The following MAPK10 variants were observed in gnomAD, a reference collection of about 807,000 sequenced individuals.
The protein encoded by MAPK10 is JNK3 alpha protein kinase.
Under a neutral mutation model 59.3 loss-of-function variants are expected in MAPK10, and 25 were observed. The ratio of observed to expected loss-of-function variants is 0.42; its 90% CI spans 0.31 to 0.59. The LOEUF is 0.59. MAPK10 is among the 20% of genes least tolerant of loss of function. The pLI is 0.15. For missense variants in MAPK10, 351 were observed against 568.9 expected, an observed-to-expected ratio of 0.62 and a Z score of 3.90; for synonymous variants, 190 against 200.5, an observed-to-expected ratio of 0.95 and a Z score of 0.44.
At chr4:86,334,066 T>C (rs1413748503) in intron 2 of MAPK10, among the ~76,000 whole-genome samples, 2 of 152,152 alleles carry the variant, frequency 1.3e-5, no homozygotes, top group African/African-American at 4.8e-5. Context: ...TAAACATATG[T>C]ATGCAACTGC....
chr4:86,183,791 T>C (rs1280074288), intron 3 of MAPK10, among the ~76,000 whole-genome samples: 2 of 152,172 alleles, frequency 1.3e-5, no homozygotes, highest in Non-Finnish European at 2.9e-5. Context: ...CCACATCCTC[T>C]CCAGCACCTG....
intron 1 of MAPK10, among the ~76,000 whole-genome samples, chr4:86,471,136 G>A (rs1752621405): frequency 6.6e-6 from 1 of 151,924 alleles, no homozygotes; most frequent in Non-Finnish European, 1.5e-5. Context: ...GGGTGTGGTG[G>A]CACGTGCCTG....
chr4:86,241,610 G>C (rs1410534022), intron 2 of MAPK10, among the ~76,000 whole-genome samples: 1 of 151,952 alleles, frequency 6.6e-6, no homozygotes, highest in African/African-American at 2.4e-5. Flanking sequence ...TCTTCCACTT[G>C]GTTGATTCAG....
chr4:86,449,099 C>T (rs1007592921), intron 1 of MAPK10, among the ~76,000 whole-genome samples: 3 of 152,056 alleles, frequency 2.0e-5, no homozygotes, highest in South Asian at 2.1e-4. Flanking sequence ...ACCACCCCCA[C>T]CTCACGACCC....
At chr4:86,033,988 C>G (rs1338330756) in intron 11 of MAPK10, among the ~76,000 whole-genome samples, 1 of 152,080 alleles carries the variant, frequency 6.6e-6, no homozygotes, top group African/African-American at 2.4e-5. Context: ...TATTTGAGCA[C>G]TCGCTTGTGC....
chr4:86,073,063 A>C (rs2048380354), intron 9 of MAPK10, among the ~76,000 whole-genome samples: 1 of 94,060 alleles, frequency 1.1e-5, no homozygotes, highest in Non-Finnish European at 2.2e-5. Context: ...TATTGCCACA[A>C]TTTCAGCTCC....
chr4:86,466,828 G>A (rs760226875), intron 1 of MAPK10, among the ~76,000 whole-genome samples: 7 of 152,144 alleles, frequency 4.6e-5, no homozygotes, highest in Admixed American at 3.9e-4. Flanking sequence ...GCTAACCTGC[G>A]GGAGATTATA....
intron 10 of MAPK10, chr4:86,064,758 A>C (rs527593327): frequency 1.6e-4 from 29 of 176,524 alleles, no homozygotes; most frequent in Middle Eastern, 2.6e-3. Context: ...GATGTTCAAC[A>C]AATGTGTGGA....
intron 1 of MAPK10, among the ~76,000 whole-genome samples, chr4:86,524,431 A>G (rs1579476690): frequency 6.6e-6 from 1 of 152,198 alleles, no homozygotes; most frequent in East Asian, 1.9e-4. Flanking sequence ...CAAGTCCTGT[A>G]CATTCTACCT....
At chr4:86,171,915 A>T (rs2074298121) in intron 3 of MAPK10, among the ~76,000 whole-genome samples, 1 of 151,202 alleles carries the variant, frequency 6.6e-6, no homozygotes, top group Admixed American at 6.5e-5. Flanking sequence ...TGGGCGAAGG[A>T]TATGAACAGA....
At chr4:86,300,561 C>T (rs2095450136) in intron 2 of MAPK10, 1 of 151,974 alleles carries the variant, frequency 6.6e-6, no homozygotes, top group South Asian at 2.1e-4. Context: ...TACACAAATA[C>T]CCAACTTAAA....
intron 1 of MAPK10, chr4:86,358,419 T>C: frequency 8.2e-6 from 8 of 971,836 alleles, no homozygotes; most frequent in Non-Finnish European, 9.8e-6. Context: ...CCATATGACT[T>C]AGCCTGCTTC....
chr4:86,473,940 A>G (rs906405483), intron 1 of MAPK10, among the ~76,000 whole-genome samples: 1 of 152,204 alleles, frequency 6.6e-6, no homozygotes, highest in Non-Finnish European at 1.5e-5. Flanking sequence ...GCTTAAGGCC[A>G]GGAGTTCAAG....
chr4:86,586,378 T>G (rs1037896778), intron 1 of MAPK10, among the ~76,000 whole-genome samples: 1 of 152,130 alleles, frequency 6.6e-6, no homozygotes, highest in African/African-American at 2.4e-5. Context: ...TCATACCACA[T>G]ACCTCTCCCC....
chr4:86,287,474 A>T lies in MAPK10; in HGVS notation c.-7+67056T>A, dbSNP rs148362939. 5.4e-4 allele frequency among the ~76,000 whole-genome samples: 82 copies of T among 152,318 alleles called. 1 individual carries two copies. Among genetic ancestry groups the T allele is most frequent in the African/African-American group, 1.9e-3 (79 of 41,578 alleles). ...TGGTGATCTTAAGAATATTCATCACAAGATAGGAAAACACAGCTGCCATCG... is the reference window on the plus strand; with the variant it reads ...TGGTGATCTTAAGAATATTCATCACTAGATAGGAAAACACAGCTGCCATCG... On this transcript the variant is annotated intron_variant, in intron 2 of 13. Transcript: ENST00000641462.
intron 4 of MAPK10, among the ~76,000 whole-genome samples, chr4:86,113,712 G>A (rs1453474937): frequency 1.3e-5 from 2 of 152,114 alleles, no homozygotes; most frequent in Non-Finnish European, 2.9e-5. Flanking sequence ...TTCTCATAGA[G>A]TATCTCACCG....
intron 2 of MAPK10, among the ~76,000 whole-genome samples, chr4:86,218,338 G>A (rs575998990): frequency 3.0e-4 from 46 of 152,002 alleles, no homozygotes; most frequent in South Asian, 8.3e-4. Flanking sequence ...CCGCCACCAC[G>A]CCCGCCTAAT....
chr4:86,199,719 A>G (rs1292296517), intron 2 of MAPK10, among the ~76,000 whole-genome samples: 1 of 152,026 alleles, frequency 6.6e-6, no homozygotes, highest in East Asian at 1.9e-4. Context: ...AGCATATGAA[A>G]CATATATTAT....
chr4:86,533,206 A>G (rs2149092181), intron 1 of MAPK10, among the ~76,000 whole-genome samples: 1 of 152,318 alleles, frequency 6.6e-6, no homozygotes, highest in South Asian at 2.1e-4. Flanking sequence ...GTAACCAGAT[A>G]CATAGAGAGA....
Sources: gnomAD v4.1 joint callset for allele counts (sites outside exome capture counted in the v4.1 genomes callset) on GRCh38, gnomAD v4.1.1 for gene constraint, MANE v1.5 for transcripts, NCBI Gene and HGNC (gene_info 2026-07-23, HGNC 2026-07-21) for gene names.